Variants in PARD3B observed in about 807,000 individuals in gnomAD.
PARD3B encodes the protein partitioning defective 3 homolog B.
A neutral mutation model predicts 130.2 loss-of-function variants in PARD3B; 103 were observed. The ratio of observed to expected loss-of-function variants is 0.79; its 90% confidence interval spans 0.67 to 0.93. PARD3B has a LOEUF of 0.93. Ranked by LOEUF, PARD3B falls within the 40% of genes least tolerant of loss-of-function variation. The pLI, the probability that PARD3B is intolerant of heterozygous loss-of-function variation, is 0.00. For synonymous variants in PARD3B, 583 were observed against 553.2 expected, an observed-to-expected ratio of 1.05 and a Z score of -0.76; for missense variants, 1,609 against 1,499.2, an observed-to-expected ratio of 1.07 and a Z score of -1.21.
intron 22 of PARD3B, among the ~76,000 whole-genome samples, chr2:205,567,887 G>A (rs2053415826): frequency 6.6e-6 from 1 of 152,124 alleles, no homozygotes. Context: ...GATTACCACT[G>A]CAGGCAAGAG....
chr2:204,786,912 G>A (rs919156005), intron 2 of PARD3B, among the ~76,000 whole-genome samples: 8 of 151,958 alleles, frequency 5.3e-5, no homozygotes, highest in Admixed American at 5.2e-4. Context: ...AAAAGCATTT[G>A]CCAGTCGTAC....
intron 2 of PARD3B, among the ~76,000 whole-genome samples, chr2:204,905,083 G>GA (rs1421363304): frequency 6.6e-6 from 1 of 152,144 alleles, no homozygotes; most frequent in Non-Finnish European, 1.5e-5. Flanking sequence ...TGAGCTCTGG[G>GA]AAAAATCACA....
intron 2 of PARD3B, among the ~76,000 whole-genome samples, chr2:204,865,387 A>G (rs2125636063): frequency 6.6e-6 from 1 of 152,342 alleles, no homozygotes; most frequent in African/African-American, 2.4e-5. Context: ...CCATATGCAA[A>G]TGCCCATCAA....
intron 2 of PARD3B, among the ~76,000 whole-genome samples, chr2:204,763,970 C>G (rs1345076961): frequency 6.6e-6 from 1 of 151,736 alleles, no homozygotes; most frequent in Non-Finnish European, 1.5e-5. Context: ...TTTTTGAGAC[C>G]AAGTTTCTTT....
At chr2:204,873,612 A>C (rs1381528530) in intron 2 of PARD3B, among the ~76,000 whole-genome samples, 3 of 152,236 alleles carry the variant, frequency 2.0e-5, no homozygotes, top group Admixed American at 1.3e-4. Context: ...CAAACAGTAC[A>C]TGAGTTTGAA....
intron 4 of PARD3B, among the ~76,000 whole-genome samples, chr2:205,075,860 G>C (rs1448831292): frequency 6.6e-6 from 1 of 151,718 alleles, no homozygotes; most frequent in Admixed American, 6.6e-5. Flanking sequence ...TAAACATGAT[G>C]GTAATGTTCA....
intron 4 of PARD3B, among the ~76,000 whole-genome samples, chr2:205,082,736 G>GT (rs1461367057): frequency 2.0e-5 from 3 of 151,512 alleles, no homozygotes; most frequent in East Asian, 1.9e-4. Flanking sequence ...TTGTTCTTTA[G>GT]TTTTTTCAAG....
At chr2:204,700,708 A>T (rs533699386) in intron 2 of PARD3B, among the ~76,000 whole-genome samples, 5 of 152,250 alleles carry the variant, frequency 3.3e-5, no homozygotes, top group African/African-American at 1.2e-4. Flanking sequence ...AAATGCTTTA[A>T]GAATTCATCT....
chr2:205,277,828 A>G (rs1260939478), intron 16 of PARD3B, among the ~76,000 whole-genome samples: 2 of 152,184 alleles, frequency 1.3e-5, no homozygotes, highest in African/African-American at 4.8e-5. Flanking sequence ...AGCCAAAGGG[A>G]GCCCTACAGG....
rs1696639361 is a variant in PARD3B at position 205,021,875 on chromosome 2, G to A, written c.395-25706G>A. On this transcript the variant is annotated intron_variant, in intron 3 of 22. Coordinates refer to ENST00000406610, the MANE Select transcript of PARD3B (RefSeq NM_001302769.2). This position sits in a 1 kb window ranked among gnomAD's most constrained non-coding sequence, Gnocchi z 4.5. ...ACACTTTACCCCCTCCATTGTAAGG[G>A]TACTAAAATCTTCATATGTGGTCAA... Among the ~76,000 whole-genome samples the A allele has an allele frequency of 6.6e-6, 1 of 151,960 alleles. No homozygotes were observed. Among genetic ancestry groups the A allele is most frequent in the Non-Finnish European group, 1.5e-5 (1 of 68,002 alleles).
chr2:205,277,011 T>C lies in PARD3B; in HGVS notation c.2186-23519T>C, dbSNP rs569542754. 4.8e-4 allele frequency among the ~76,000 whole-genome samples: 73 copies of C among 152,350 alleles called. 1 individual carries two copies. In the South Asian group the frequency reaches 0.013, roughly 28 times the overall value. On this transcript the variant is annotated intron_variant, in intron 16 of 22. Coordinates refer to ENST00000406610, the MANE Select transcript of PARD3B (RefSeq NM_001302769.2). ...ATACCTGCTAGTTGTTATGTTTGAGTGATCTGCATATTTGTAACAACAGGG... is the reference window on the plus strand; with the variant it reads ...ATACCTGCTAGTTGTTATGTTTGAGCGATCTGCATATTTGTAACAACAGGG...
intron 21 of PARD3B, among the ~76,000 whole-genome samples, chr2:205,504,716 C>T (rs533540916): frequency 2.0e-4 from 31 of 152,198 alleles, no homozygotes; most frequent in Non-Finnish European, 3.2e-4. Context: ...GTTAGAATGG[C>T]GATCATTAAA....
chr2:204,790,741 C>CAGCATCCT (rs1333302218), intron 2 of PARD3B, among the ~76,000 whole-genome samples: 4 of 152,112 alleles, frequency 2.6e-5, no homozygotes, highest in Non-Finnish European at 2.9e-5. Flanking sequence ...CTTCGTATTT[C>CAGCATCCT]GTCTTTGTCA....
intron 4 of PARD3B, among the ~76,000 whole-genome samples, chr2:205,103,159 AAC>A (rs1464578108): frequency 2.3e-5 from 2 of 86,524 alleles, no homozygotes; most frequent in Non-Finnish European, 5.3e-5. Context: ...ATGTAAAATA[AAC>A]ATATTTTATA....
At chr2:204,931,130 T>G (rs934216432) in intron 2 of PARD3B, among the ~76,000 whole-genome samples, 6 of 152,114 alleles carry the variant, frequency 3.9e-5, no homozygotes, top group Admixed American at 3.9e-4. Context: ...TTGAAAGATC[T>G]TCAAGGACGT....
At chr2:205,214,217 T>C (rs1022989081) in intron 15 of PARD3B, among the ~76,000 whole-genome samples, 3 of 152,136 alleles carry the variant, frequency 2.0e-5, no homozygotes, top group Non-Finnish European at 4.4e-5. Context: ...GTGTGCTTCT[T>C]ATTTATTAAT....
chr2:204,639,826 TAAAG>T (rs1173177414), intron 1 of PARD3B, among the ~76,000 whole-genome samples: 1 of 152,186 alleles, frequency 6.6e-6, no homozygotes, highest in Non-Finnish European at 1.5e-5. Context: ...ATTTATCAGA[TAAAG>T]AAACCATTAC....
intron 19 of PARD3B, among the ~76,000 whole-genome samples, chr2:205,415,478 A>C (rs1375300034): frequency 1.3e-5 from 2 of 152,318 alleles, no homozygotes; most frequent in East Asian, 3.9e-4. Context: ...TCCAATGCCA[A>C]GAAAACTGAC....
intron 20 of PARD3B, among the ~76,000 whole-genome samples, chr2:205,480,926 G>T (rs915819566): frequency 1.9e-4 from 29 of 152,292 alleles, no homozygotes; most frequent in Admixed American, 1.2e-3. Context: ...GAACGTGGAG[G>T]CAGAGTGTTT....
Sources: allele counts gnomAD v4.1 joint callset (sites outside exome capture counted in the v4.1 genomes callset), GRCh38; gene constraint gnomAD v4.1.1; non-coding constraint Gnocchi (gnomAD v3.1); transcripts MANE v1.5; gene names NCBI Gene and HGNC (gene_info 2026-07-23, HGNC 2026-07-21).